The following KCNH1 variants were observed in gnomAD, a reference collection of about 807,000 sequenced individuals.
KCNH1 encodes the protein voltage-gated delayed rectifier potassium channel KCNH1.
KCNH1 carries 27 observed loss-of-function variants against 69.2 expected under a neutral mutation model. The ratio of observed to expected loss-of-function variants is 0.39; its 90% CI spans 0.29 to 0.54. The LOEUF is 0.54. Ranked by LOEUF, KCNH1 falls within the 20% of genes least tolerant of loss-of-function variation. KCNH1 has a pLI of 0.68. For synonymous variants in KCNH1, 456 were observed against 487.7 expected (o/e 0.93, Z 0.86); for missense variants, 798 against 1,261.6 (o/e 0.63, Z 5.57).
chr1:210,861,101 G>T, intron 7 of KCNH1: 1 of 872,622 alleles, frequency 1.1e-6, no homozygotes, highest in Non-Finnish European at 1.9e-6. Context: ...AAGCTTCTGG[G>T]CAGCAGTGGC....
intron 5 of KCNH1, among the ~76,000 whole-genome samples, chr1:211,078,416 G>A (rs1038903599): frequency 5.3e-5 from 8 of 152,144 alleles, no homozygotes; most frequent in African/African-American, 1.9e-4. Flanking sequence ...ACAACAATCT[G>A]TCCCTTAGAT....
intron 10 of KCNH1, among the ~76,000 whole-genome samples, chr1:210,705,850 T>C (rs1400601145): frequency 2.0e-5 from 3 of 152,122 alleles, no homozygotes; most frequent in Non-Finnish European, 4.4e-5. Context: ...GGCACCTCGA[T>C]CCTAATCCCA....
At chr1:210,873,102 C>T (rs1686287180) in intron 7 of KCNH1, among the ~76,000 whole-genome samples, 1 of 152,166 alleles carries the variant, frequency 6.6e-6, no homozygotes, top group African/African-American at 2.4e-5. Context: ...GACCACTGAA[C>T]TATCATTTTT....
intron 6 of KCNH1, among the ~76,000 whole-genome samples, chr1:210,980,819 ATGTG>A (rs57591026): frequency 9.9e-4 from 147 of 148,708 alleles, no homozygotes; most frequent in East Asian, 4.0e-3. Context: ...GTATTAGACA[ATGTG>A]TGTGTGTGTG....
intron 3 of KCNH1, among the ~76,000 whole-genome samples, chr1:211,093,449 C>T (rs1691091191): frequency 6.6e-6 from 1 of 152,148 alleles, no homozygotes; most frequent in East Asian, 1.9e-4. Context: ...CCACACCTGG[C>T]TAATTTTTGT....
chr1:210,706,627 G>A (rs900767089), intron 10 of KCNH1, among the ~76,000 whole-genome samples: 2 of 152,188 alleles, frequency 1.3e-5, no homozygotes, highest in Non-Finnish European at 2.9e-5. Context: ...CCCAGAGAAG[G>A]GTAATGATAT....
chr1:210,952,552 A>G (rs978479164), intron 6 of KCNH1, among the ~76,000 whole-genome samples: 1 of 152,182 alleles, frequency 6.6e-6, no homozygotes, highest in South Asian at 2.1e-4. Flanking sequence ...TAGAATAAAG[A>G]TTAAAGTGTG....
At chr1:210,792,689 A>T (rs894507403) in intron 9 of KCNH1, among the ~76,000 whole-genome samples, 21 of 91,804 alleles carry the variant, frequency 2.3e-4, no homozygotes, top group Non-Finnish European at 4.8e-4. Context: ...AAGAAAATTA[A>T]AAAAAAAAAA....
intron 7 of KCNH1, among the ~76,000 whole-genome samples, chr1:210,830,405 T>C (rs1483810863): frequency 6.6e-6 from 1 of 152,154 alleles, no homozygotes; most frequent in Non-Finnish European, 1.5e-5. Flanking sequence ...TTGCAGGCCA[T>C]TTCCCCTGAG....
At chr1:211,063,704 G>A (rs1690476700) in intron 5 of KCNH1, 1 of 151,718 alleles carries the variant, frequency 6.6e-6, no homozygotes, top group African/African-American at 2.4e-5. Context: ...TCACGCCACT[G>A]TGCTCCAGCC....
At chr1:210,808,435 G>A (rs1684632282) in intron 7 of KCNH1, among the ~76,000 whole-genome samples, 1 of 152,040 alleles carries the variant, frequency 6.6e-6, no homozygotes, top group South Asian at 2.1e-4. Flanking sequence ...GTGCTTCTGA[G>A]GCATTCTGGA....
intron 10 of KCNH1, among the ~76,000 whole-genome samples, chr1:210,704,226 A>T (rs1681848085): frequency 1.3e-5 from 2 of 152,166 alleles, no homozygotes; most frequent in African/African-American, 4.8e-5. Context: ...GAGGAGCAGT[A>T]CAATGCTCTG....
chr1:211,128,444 GT>G (rs1691821821), intron 1 of KCNH1, among the ~76,000 whole-genome samples: 1 of 152,080 alleles, frequency 6.6e-6, no homozygotes, highest in Admixed American at 6.5e-5. Context: ...ACTATAGTGG[GT>G]TTTTTTAGGA....
intron 1 of KCNH1, among the ~76,000 whole-genome samples, chr1:211,114,486 A>G (rs1032366466): frequency 1.3e-5 from 2 of 152,228 alleles, no homozygotes; most frequent in Non-Finnish European, 2.9e-5. Flanking sequence ...GTCTGAGTAA[A>G]TTTGCCAGCG....
chr1:210,699,314 G>A (rs926552430), intron 10 of KCNH1, among the ~76,000 whole-genome samples: 3 of 152,250 alleles, frequency 2.0e-5, no homozygotes, highest in African/African-American at 7.2e-5. Context: ...AGGAGGGACA[G>A]TCCTATGCCT....
chr1:211,122,592 A>T (rs776314478), intron 1 of KCNH1, among the ~76,000 whole-genome samples: 3 of 152,260 alleles, frequency 2.0e-5, no homozygotes, highest in Non-Finnish European at 4.4e-5. Context: ...CCCATCAATG[A>T]TAGACTGGAT....
intron 9 of KCNH1, among the ~76,000 whole-genome samples, chr1:210,784,781 T>C (rs181458483): frequency 1.7e-4 from 26 of 152,296 alleles, no homozygotes; most frequent in Admixed American, 1.4e-3. Flanking sequence ...ATATTAGAGA[T>C]GGGACACTGG....
chr1:211,067,380 C>T (rs890948927), intron 5 of KCNH1, among the ~76,000 whole-genome samples: 2 of 152,202 alleles, frequency 1.3e-5, no homozygotes, highest in Non-Finnish European at 2.9e-5. Flanking sequence ...CACCCACCCA[C>T]GACAAAGCAA....
At chr1:210,973,481 G>A (rs1002022274) in intron 6 of KCNH1, among the ~76,000 whole-genome samples, 26 of 152,000 alleles carry the variant, frequency 1.7e-4, no homozygotes, top group African/African-American at 4.6e-4. Flanking sequence ...CTATCCTTTC[G>A]TTTCTAGTCA....
Sources: gnomAD v4.1 joint callset for allele counts (sites outside exome capture counted in the v4.1 genomes callset) on GRCh38, gnomAD v4.1.1 for gene constraint, MANE v1.5 for transcripts, NCBI Gene and HGNC (gene_info 2026-07-23, HGNC 2026-07-21) for gene names.